The following NUDT13 variants were observed in gnomAD, a reference collection of about 807,000 sequenced individuals.
The protein encoded by NUDT13 is NAD(P)H pyrophosphatase NUDT13, mitochondrial.
Under a neutral mutation model 41.7 loss-of-function variants are expected in NUDT13, and 40 were observed. The observed-to-expected ratio is 0.96, with a 90% CI of 0.75 to 1.25. The LOEUF is 1.25. NUDT13 is among the 50% of genes most tolerant of loss of function. The probability of loss-of-function intolerance (pLI) is 0.00; values close to 1 mark genes in which losing one functional copy is unlikely to be tolerated. For synonymous variants in NUDT13, 145 were observed against 155.5 expected, an observed-to-expected ratio of 0.93 and a Z score of 0.50; for missense variants, 390 against 416.1, an observed-to-expected ratio of 0.94 and a Z score of 0.55.
intron 4 of NUDT13, among the ~76,000 whole-genome samples, chr10:73,122,602 C>T (rs545310961): frequency 6.6e-6 from 1 of 152,104 alleles, no homozygotes; most frequent in Admixed American, 6.6e-5. Flanking sequence ...GAGACAATGT[C>T]TTGCTGTCAC....
At chr10:73,116,876 ATTTTTTTTTTT>A (rs56229464) in intron 2 of NUDT13, among the ~76,000 whole-genome samples, 1,188 of 81,874 alleles carry the variant, frequency 0.015, 35 homozygotes, top group African/African-American at 0.044. Flanking sequence ...GACTACAAGA[ATTTTTTTTTTT>A]TTTTTTTTTT....
chr10:73,120,970 A>G (rs1384222584), intron 3 of NUDT13, among the ~76,000 whole-genome samples: 1 of 151,922 alleles, frequency 6.6e-6, no homozygotes, highest in Non-Finnish European at 1.5e-5. Flanking sequence ...TCATAACTTC[A>G]TTTTTACTAG....
intron 3 of NUDT13, 102 bp from the exon 4 acceptor site, chr10:73,122,071 CTT>C: frequency 1.5e-6 from 2 of 1,366,500 alleles, no homozygotes; most frequent in Non-Finnish European, 2.0e-6. Context: ...AGTATACCCA[CTT>C]TAAGCTGAAG....
chr10:73,122,276 G>C lies in NUDT13; in HGVS notation c.325G>C (p.Asp109His). 1 of 1,614,108 alleles carries C rather than the reference G, an allele frequency of 6.2e-7. No homozygotes were observed. The highest frequency in any genetic ancestry group is 8.5e-7 in the Non-Finnish European group (1 of 1,180,002). ...SEQQEAWFAL[D>H]LGLDSSFSIS... ...GCAGCAGGAAGCATGGTTTGCTCTG[G>C]ATCTAGGTCTGGATAGCTCCTTTTC... The change falls in exon 4 of 9, where the codon GAT becomes CAT. Residue 109 changes from aspartate to histidine, a missense_variant. Physicochemically the swap from Asp to His is moderately conservative, Grantham distance 81. Coordinates refer to ENST00000357321, the MANE Select transcript of NUDT13 (RefSeq NM_015901.6).
chr10:73,112,391 T>C (rs989886384), intron 1 of NUDT13, among the ~76,000 whole-genome samples: 3 of 151,356 alleles, frequency 2.0e-5, no homozygotes, highest in Non-Finnish European at 4.4e-5. Flanking sequence ...TAAATACATA[T>C]AATTTATGTA....
In NUDT13 at chr10:73,125,455, C is replaced by G. The variant is rs1230167048; in HGVS notation, c.649C>G (p.Gln217Glu). ...SDGTRCLLAR[Q>E]SSFPKGMYSA... is the part of the protein sequence containing the mutation. ...TGGGACCCGATGCCTGCTTGCCCGC[C>G]AAAGCTCCTTTCCCAAGGGAATGTA... Residue 217 changes from glutamine (Q) to glutamate (E), a missense_variant, in exon 7 of 9, where the codon CAA (glutamine) becomes GAA (glutamate). Physicochemically the swap from Gln to Glu is conservative, Grantham distance 29. Transcript: ENST00000357321. 1 of 1,612,618 alleles carries G rather than the reference C, an allele frequency of 6.2e-7. No individual in the cohort carries two copies. The highest frequency in any genetic ancestry group is 1.1e-5 in the South Asian group (1 of 90,800).
At chr10:73,126,993 C>A (rs1842804657) in intron 8 of NUDT13, among the ~76,000 whole-genome samples, 166 bp downstream of exon 8, 1 of 152,176 alleles carries the variant, frequency 6.6e-6, no homozygotes, top group Non-Finnish European at 1.5e-5. Context: ...CCTGTAATCC[C>A]AACACTTTGG....
rs544528476 is a variant in NUDT13, at chr10:73,118,936, C to T, written c.84-1082C>T. ...GCAGTCAGCTGAGATCGTGCCACTG[C>T]ACTCCAGCCTGGGTGACAGAGTGAG... is the stretch of plus-strand genomic sequence containing the variant. On this transcript the variant is annotated intron_variant, in intron 2 of 8. Coordinates refer to ENST00000357321, the MANE Select transcript of NUDT13 (RefSeq NM_015901.6). Among the ~76,000 whole-genome samples, 6 of 152,000 alleles carry T rather than the reference C, an allele frequency of 3.9e-5. No individual in the cohort carries two copies. In the South Asian group the frequency reaches 8.3e-4, roughly 21 times the overall value.
chr10:73,119,942 C>A (rs1184550997), intron 2 of NUDT13, 76 bp from the exon 3 acceptor site: 1 of 1,392,080 alleles, frequency 7.2e-7, no homozygotes, highest in Non-Finnish European at 1.0e-6. Context: ...GATGCAGCGA[C>A]AGCATTCTCA....
intron 7 of NUDT13, 38 bp from the exon 8 acceptor site, chr10:73,126,634 GC>G (rs3833730): frequency 0.096 from 153,475 of 1,606,842 alleles, 12,294 homozygotes; most frequent in African/African-American, 0.34. Flanking sequence ...CACCCTTCTA[GC>G]CTACAGGGCT....
At chr10:73,113,552 C>G (rs911496213) in intron 1 of NUDT13, among the ~76,000 whole-genome samples, 10 of 152,294 alleles carry the variant, frequency 6.6e-5, no homozygotes, top group African/African-American at 1.4e-4. Context: ...TTTGTTTTCT[C>G]TCTCCTGCTA....
At chr10:73,121,579 G>T (rs895364248) in intron 3 of NUDT13, among the ~76,000 whole-genome samples, 3 of 152,072 alleles carry the variant, frequency 2.0e-5, no homozygotes, top group African/African-American at 7.2e-5. Flanking sequence ...TTTTACTCTC[G>T]TCCACAAAAG....
intron 1 of NUDT13, among the ~76,000 whole-genome samples, chr10:73,113,752 C>A (rs1842427180): frequency 6.6e-6 from 1 of 152,146 alleles, no homozygotes; most frequent in Non-Finnish European, 1.5e-5. Context: ...ATTATGCAAC[C>A]AAGAAGTAGG....
At chr10:73,116,193 A>G (rs1241028818) in intron 2 of NUDT13, among the ~76,000 whole-genome samples, 1 of 151,532 alleles carries the variant, frequency 6.6e-6, no homozygotes, top group East Asian at 1.9e-4. Flanking sequence ...TATTGTTTGT[A>G]AGGTAGGGTC....
At chr10:73,116,815 T>C (rs574950614) in intron 2 of NUDT13, among the ~76,000 whole-genome samples, 1 of 151,630 alleles carries the variant, frequency 6.6e-6, no homozygotes, top group East Asian at 1.9e-4. Flanking sequence ...AAAATTGTGA[T>C]ACTTGTTTCA....
intron 2 of NUDT13, 137 bp downstream of exon 2, chr10:73,114,585 ATGTG>A (rs576946809): frequency 6.1e-5 from 16 of 261,862 alleles, no homozygotes; most frequent in African/African-American, 2.1e-4. Flanking sequence ...GTGTGTGTAT[ATGTG>A]TGTGTGTGTA....
intron 3 of NUDT13, 110 bp from the exon 4 acceptor site, chr10:73,122,065 T>A (rs1464959330): frequency 7.9e-7 from 1 of 1,270,868 alleles, no homozygotes; most frequent in East Asian, 2.4e-5. Context: ...AAGCCAAGTA[T>A]ACCCACTTTA....
intron 4 of NUDT13, among the ~76,000 whole-genome samples, chr10:73,122,900 CTTTT>C (rs60953028): frequency 3.3e-5 from 4 of 123,002 alleles, no homozygotes; most frequent in Admixed American, 8.1e-5. Flanking sequence ...TTGTATATTT[CTTTT>C]TTTTTTTTTT....
chr10:73,123,961 C>T (rs1353476679), intron 4 of NUDT13, among the ~76,000 whole-genome samples: 3 of 152,116 alleles, frequency 2.0e-5, no homozygotes, highest in African/African-American at 7.2e-5. Context: ...GAGATGGGGT[C>T]TCACTGGAGT....
Sources: gnomAD v4.1 joint callset for allele counts (sites outside exome capture counted in the v4.1 genomes callset) on GRCh38, gnomAD v4.1.1 for gene constraint, MANE v1.5 for transcripts, NCBI Gene and HGNC (gene_info 2026-07-23, HGNC 2026-07-21) for gene names.